The following PPP1R1C variants were observed in gnomAD, a reference collection of about 807,000 sequenced individuals.
PPP1R1C encodes the protein protein phosphatase 1 regulatory inhibitor subunit 1C.
PPP1R1C carries 15 observed loss-of-function variants against 17.4 expected under a neutral mutation model. The observed-to-expected ratio is 0.86, with a 90% CI of 0.58 to 1.33. PPP1R1C has a LOEUF of 1.33. Among genes scored for constraint, PPP1R1C ranks in the 40% most tolerant of loss-of-function variants. The pLI is 0.00. For missense variants in PPP1R1C, 143 were observed against 130.0 expected, an observed-to-expected ratio of 1.10 and a Z score of -0.48; for synonymous variants, 35 against 43.1, an observed-to-expected ratio of 0.81 and a Z score of 0.73.
chr2:181,963,985 ATT>A (rs1328429881), intron 1 of PPP1R1C, among the ~76,000 whole-genome samples: 1 of 152,138 alleles, frequency 6.6e-6, no homozygotes, highest in African/African-American at 2.4e-5. Context: ...ACTTTTAGTT[ATT>A]TTAAATGTAT....
intron 4 of PPP1R1C, among the ~76,000 whole-genome samples, chr2:182,104,686 A>T (rs1203030089): frequency 6.6e-6 from 1 of 152,170 alleles, no homozygotes; most frequent in Non-Finnish European, 1.5e-5. Flanking sequence ...AGGATTTTGC[A>T]TCTATGTTCA....
chr2:182,125,650 T>C (rs2125242895), intron 5 of PPP1R1C, among the ~76,000 whole-genome samples: 1 of 152,294 alleles, frequency 6.6e-6, no homozygotes, highest in East Asian at 1.9e-4. Context: ...CTGGAATTTA[T>C]CCATTTCTTC....
chr2:181,987,892 C>T lies in PPP1R1C; in HGVS notation c.135C>T (p.Asn45=), dbSNP rs552509528. Residue 45 remains asparagine (N), a synonymous_variant, in exon 2 of 5, where the codon AAC becomes AAT. Transcript: ENST00000682840. ...PASLVILNEH[N]PPEIDDKRGP... Reference sequence around the variant, plus strand: ...CACTTGTGATTCTCAATGAGCATAACCCCCCAGGTAAAGAAGCATGATGTG... The same window carrying T: ...CACTTGTGATTCTCAATGAGCATAATCCCCCAGGTAAAGAAGCATGATGTG... 4 of 1,610,450 alleles carry T rather than the reference C, an allele frequency of 2.5e-6. No homozygotes were observed. Among genetic ancestry groups the T allele is most frequent in the African/African-American group, 1.3e-5 (1 of 74,908 alleles).
At chr2:181,965,494 C>A (rs191978360) in intron 1 of PPP1R1C, among the ~76,000 whole-genome samples, 1 of 152,292 alleles carries the variant, frequency 6.6e-6, no homozygotes, top group East Asian at 1.9e-4. Flanking sequence ...AGATAGGGGT[C>A]AAGTTTCATT....
At chr2:181,970,872 G>A (rs1447598806) in intron 1 of PPP1R1C, among the ~76,000 whole-genome samples, 1 of 152,130 alleles carries the variant, frequency 6.6e-6, no homozygotes, top group Non-Finnish European at 1.5e-5. Context: ...TTCACGGAGA[G>A]TACTGACTGG....
chr2:182,005,768 T>C (rs1214415594), intron 2 of PPP1R1C, among the ~76,000 whole-genome samples: 1 of 152,304 alleles, frequency 6.6e-6, no homozygotes, highest in Middle Eastern at 3.4e-3. Flanking sequence ...GGTAGTGTGG[T>C]ATAACAGAAG....
chr2:182,104,927 A>G (rs1028498169), intron 4 of PPP1R1C, among the ~76,000 whole-genome samples: 4 of 152,150 alleles, frequency 2.6e-5, no homozygotes, highest in African/African-American at 4.8e-5. Flanking sequence ...TACTGACTCA[A>G]TTGCCTTACT....
At chr2:182,101,072 A>G (rs1363162381) in intron 4 of PPP1R1C, among the ~76,000 whole-genome samples, 1 of 152,206 alleles carries the variant, frequency 6.6e-6, no homozygotes, top group Admixed American at 6.5e-5. Flanking sequence ...ATAAAGAACA[A>G]ATTAGGAATA....
intron 4 of PPP1R1C, among the ~76,000 whole-genome samples, chr2:182,090,819 C>G (rs898485098): frequency 6.6e-6 from 1 of 152,214 alleles, no homozygotes; most frequent in African/African-American, 2.4e-5. Flanking sequence ...AGAAAAGAAA[C>G]CAAATTCTCC....
In PPP1R1C at chr2:182,061,449, T is replaced by A; in HGVS notation, c.150T>A (p.Asp50Glu). 1.4e-6 allele frequency: 2 copies of A among 1,472,852 alleles called. No homozygotes were observed. The highest frequency in any genetic ancestry group is 9.0e-7 in the Non-Finnish European group (1 of 1,109,586). The allele number at this position is 1,472,852 out of a possible 1,614,324, so 91.2% of individuals were successfully genotyped here. Residue 50 changes from aspartate to glutamate, a missense_variant, in exon 3 of 5, where the codon GAT becomes GAA. By Grantham distance (45) the Asp-to-Glu change is conservative. Transcript: ENST00000682840. ...TACCTACTTCTCTTACAGAAATAGA[T>A]GACAAGAGGGGGCCCAACACACAAG... The part of the protein sequence containing the change: ...ILNEHNPPEI[D>E]DKRGPNTQGE...
In PPP1R1C at chr2:182,032,274, C is replaced by T. The variant is rs150510480; in HGVS notation, c.143-29168C>T. ...ATCAACTATTGCATTTGTTTCTAGA[C>T]GTGGTTAACTTTTTCACCTCTTTCA... On this transcript the variant is annotated intron_variant, in intron 2 of 4. Transcript: ENST00000682840. Among the ~76,000 whole-genome samples the T allele has an allele frequency of 3.5e-3, 530 of 152,240 alleles. 5 individuals carry two copies. Among genetic ancestry groups the T allele is most frequent in the African/African-American group, 0.012 (490 of 41,550 alleles).
intron 2 of PPP1R1C, among the ~76,000 whole-genome samples, chr2:182,035,041 C>G (rs1046581757): frequency 2.0e-5 from 3 of 152,190 alleles, no homozygotes; most frequent in African/African-American, 7.2e-5. Flanking sequence ...TAGCCCAGTG[C>G]CTGGCACCTC....
At chr2:181,977,088 C>T (rs927846951) in intron 2 of PPP1R1C, among the ~76,000 whole-genome samples, 10 of 120,962 alleles carry the variant, frequency 8.3e-5, no homozygotes, top group African/African-American at 3.1e-4. Flanking sequence ...GAGCTGAGAT[C>T]GTGCCATTGC....
At chr2:182,051,154 G>A (rs977263099) in intron 2 of PPP1R1C, among the ~76,000 whole-genome samples, 8 of 152,222 alleles carry the variant, frequency 5.3e-5, no homozygotes, top group African/African-American at 1.9e-4. Context: ...TAAAAGAAGT[G>A]GGGAAAGAAT....
At chr2:182,059,623 T>A (rs1369930812) in intron 2 of PPP1R1C, among the ~76,000 whole-genome samples, 2 of 152,114 alleles carry the variant, frequency 1.3e-5, no homozygotes, top group Non-Finnish European at 2.9e-5. Context: ...GTTATTTAAT[T>A]TTCACTTTTC....
At chr2:182,076,344 G>A (rs1332077560) in intron 4 of PPP1R1C, among the ~76,000 whole-genome samples, 3 of 147,136 alleles carry the variant, frequency 2.0e-5, no homozygotes, top group South Asian at 2.1e-4. Flanking sequence ...ACAGGTGCCC[G>A]CTACCACGCC....
At chr2:182,118,540 T>C (rs929828105), downstream of PPP1R1C, among the ~76,000 whole-genome samples, 3 of 152,030 alleles carry the variant, frequency 2.0e-5, no homozygotes, top group African/African-American at 7.2e-5. Context: ...GAAGAAAAAA[T>C]CAAATGTGTA....
intron 4 of PPP1R1C, among the ~76,000 whole-genome samples, chr2:182,069,393 GTGGAGTCAGGT>G (rs1688078494): frequency 6.6e-6 from 1 of 151,744 alleles, no homozygotes; most frequent in Admixed American, 6.6e-5. Flanking sequence ...GATGTGGAGG[GTGGAGTCAGGT>G]TGGAGAAGCA....
intron 4 of PPP1R1C, among the ~76,000 whole-genome samples, chr2:182,082,569 G>A (rs1295721269): frequency 3.3e-5 from 5 of 152,094 alleles, no homozygotes; most frequent in Admixed American, 2.0e-4. Context: ...ACTTGCATTT[G>A]TTTACTGCCC....
Sources: gnomAD v4.1 joint callset for allele counts (sites outside exome capture counted in the v4.1 genomes callset) on GRCh38, gnomAD v4.1.1 for gene constraint, MANE v1.5 for transcripts, NCBI Gene and HGNC (gene_info 2026-07-23, HGNC 2026-07-21) for gene names.